XRCC4: variants seen among roughly 807,000 people sequenced by gnomAD.
XRCC4 encodes the protein X-ray repair cross complementing 4, also known as DNA repair protein XRCC4.
XRCC4 carries 28 observed loss-of-function variants against 39.1 expected under a neutral mutation model. That is an observed-to-expected ratio of 0.72 (90% CI 0.53 to 0.98). XRCC4 has a LOEUF of 0.98. Ranked by LOEUF, XRCC4 falls within the 50% of genes least tolerant of loss-of-function variation. The probability of loss-of-function intolerance (pLI) is 0.00; values close to 1 mark genes in which losing one functional copy is unlikely to be tolerated. For synonymous variants in XRCC4, 123 were observed against 126.4 expected, an observed-to-expected ratio of 0.97 and a Z score of 0.18; for missense variants, 350 against 376.4, an observed-to-expected ratio of 0.93 and a Z score of 0.58.
At chr5:83,246,640 A>C (rs1344020504) in intron 6 of XRCC4, among the ~76,000 whole-genome samples, 1 of 152,140 alleles carries the variant, frequency 6.6e-6, no homozygotes, top group Non-Finnish European at 1.5e-5. Flanking sequence ...TGGAAGAATT[A>C]TAAATTTAAA....
chr5:83,349,142 T>G (rs756212872), intron 7 of XRCC4, among the ~76,000 whole-genome samples: 1 of 152,124 alleles, frequency 6.6e-6, no homozygotes, highest in Non-Finnish European at 1.5e-5. Flanking sequence ...CAAAGTTGCT[T>G]CTATATTTTC....
intron 3 of XRCC4, among the ~76,000 whole-genome samples, chr5:83,150,946 T>C (rs1419956352): frequency 6.6e-6 from 1 of 152,122 alleles, no homozygotes; most frequent in Admixed American, 6.6e-5. Context: ...TGTTTTGTTT[T>C]GGAGTGAATG....
At chr5:83,178,185 T>C (rs1004135604) in intron 3 of XRCC4, among the ~76,000 whole-genome samples, 2 of 152,090 alleles carry the variant, frequency 1.3e-5, no homozygotes, top group Non-Finnish European at 2.9e-5. Context: ...GCAGGTTTTT[T>C]TGGGAAATGG....
chr5:83,118,543 C>T (rs890897082), intron 3 of XRCC4, among the ~76,000 whole-genome samples: 2 of 152,162 alleles, frequency 1.3e-5, no homozygotes, highest in Admixed American at 6.5e-5. Context: ...ATTATGTTCA[C>T]CTTTGAGGCA....
intron 7 of XRCC4, among the ~76,000 whole-genome samples, chr5:83,262,419 G>A (rs989838979): frequency 3.3e-5 from 5 of 152,068 alleles, no homozygotes; most frequent in Non-Finnish European, 7.4e-5. Flanking sequence ...ATGTGGGAAT[G>A]GATTTGGGGC....
At chr5:83,314,079 C>A (rs1247698372) in intron 7 of XRCC4, among the ~76,000 whole-genome samples, 1 of 151,934 alleles carries the variant, frequency 6.6e-6, no homozygotes, top group Non-Finnish European at 1.5e-5. Context: ...AATACCTCCC[C>A]TTTCATTCTC....
intron 6 of XRCC4, among the ~76,000 whole-genome samples, chr5:83,211,304 T>C (rs1364274836): frequency 3.3e-5 from 5 of 152,234 alleles, no homozygotes; most frequent in Non-Finnish European, 5.9e-5. Context: ...TGGCAACTGC[T>C]GTACCTGAGC....
chr5:83,182,785 G>T (rs937529901), intron 3 of XRCC4, among the ~76,000 whole-genome samples: 3 of 152,100 alleles, frequency 2.0e-5, no homozygotes, highest in African/African-American at 7.2e-5. Flanking sequence ...TTGGCCCTTT[G>T]TTTCTCCTGT....
intron 6 of XRCC4, among the ~76,000 whole-genome samples, chr5:83,209,879 T>C (rs1751573864): frequency 6.6e-6 from 1 of 152,174 alleles, no homozygotes; most frequent in Non-Finnish European, 1.5e-5. Flanking sequence ...TAAGCTTTCC[T>C]ACCACTTTTC....
intron 3 of XRCC4, among the ~76,000 whole-genome samples, chr5:83,144,741 T>C (rs1748369564): frequency 6.6e-6 from 1 of 152,132 alleles, no homozygotes; most frequent in Non-Finnish European, 1.5e-5. Context: ...ATAATTTATA[T>C]TGATCTTTCT....
At chr5:83,125,986 CAAAAAA>C (rs35711158) in intron 3 of XRCC4, among the ~76,000 whole-genome samples, 4 of 108,500 alleles carry the variant, frequency 3.7e-5, no homozygotes, top group Non-Finnish European at 5.6e-5. Context: ...TCCATCTCAT[CAAAAAA>C]AAAAAAAAAA....
At chr5:83,303,280 A>T (rs2112053705) in intron 7 of XRCC4, among the ~76,000 whole-genome samples, 1 of 152,186 alleles carries the variant, frequency 6.6e-6, no homozygotes, top group South Asian at 2.1e-4. Context: ...TATATTAAGA[A>T]TCTAAAGTAT....
At chr5:83,363,027 CAAAG>C in the XRCC4 span, among the ~76,000 whole-genome samples, 15 of 152,216 alleles carry the variant, frequency 9.9e-5, no homozygotes, top group Middle Eastern at 6.8e-3. Flanking sequence ...AAAGTCTAGA[CAAAG>C]GAAGGAGGCA....
intron 7 of XRCC4, among the ~76,000 whole-genome samples, chr5:83,334,229 G>A (rs944406799): frequency 3.3e-5 from 5 of 151,936 alleles, no homozygotes; most frequent in African/African-American, 1.2e-4. Context: ...TAATTTCCAG[G>A]TAGTGAAAAA....
intron 7 of XRCC4, among the ~76,000 whole-genome samples, chr5:83,352,162 C>T (rs1757101880): frequency 6.6e-6 from 1 of 152,140 alleles, no homozygotes; most frequent in South Asian, 2.1e-4. Context: ...TGGGTTCAAA[C>T]TTGTGTTTCC....
chr5:83,077,837 CCCT>C (rs1744737712), intron 1 of XRCC4: 1 of 157,452 alleles, frequency 6.4e-6, no homozygotes, highest in Non-Finnish European at 1.4e-5. Flanking sequence ...CCTGTTCACC[CCCT>C]TTTCAGTTTC....
intron 6 of XRCC4, among the ~76,000 whole-genome samples, chr5:83,210,972 A>G (rs1580375545): frequency 1.3e-5 from 2 of 152,180 alleles, no homozygotes; most frequent in East Asian, 3.8e-4. Flanking sequence ...ACATCTTTAT[A>G]TGTTTGGGGG....
At chr5:83,277,892 G>A (rs1754390270) in intron 7 of XRCC4, among the ~76,000 whole-genome samples, 1 of 151,990 alleles carries the variant, frequency 6.6e-6, no homozygotes, top group Non-Finnish European at 1.5e-5. Flanking sequence ...TCTTGTTTAA[G>A]AAAAATACAG....
In XRCC4 at chr5:83,103,357, T is replaced by C. The variant is rs188195504; in HGVS notation, c.-10-1553T>C. 3.3e-5 allele frequency among the ~76,000 whole-genome samples: 5 copies of C among 152,256 alleles called. No individual in the cohort carries two copies. The East Asian group carries it at 9.7e-4, about 29-fold the overall frequency. On this transcript the variant is annotated intron_variant, in intron 1 of 7. Coordinates refer to ENST00000396027, the MANE Select transcript of XRCC4 (RefSeq NM_003401.5). ...AACTCTAACTTTCAGTATTACATTG[T>C]GTACCCCTAATTTTATTTTCTTCTT...
Sources: allele counts gnomAD v4.1 joint callset (sites outside exome capture counted in the v4.1 genomes callset), GRCh38; gene constraint gnomAD v4.1.1; transcripts MANE v1.5; gene names NCBI Gene and HGNC (gene_info 2026-07-23, HGNC 2026-07-21).